Variants in CFAP73 observed in about 807,000 individuals in gnomAD.
CFAP73 encodes cilia and flagella associated protein 73.
Under a neutral mutation model 42.9 loss-of-function variants are expected in CFAP73, and 33 were observed. That is an observed-to-expected ratio of 0.77 (90% CI 0.58 to 1.03). The LOEUF (loss-of-function observed/expected upper bound fraction) is 1.03. Among genes scored for constraint, CFAP73 ranks in the 50% least tolerant of loss-of-function variants. CFAP73 has a pLI of 0.00. For missense variants in CFAP73, 392 were observed against 411.9 expected, an observed-to-expected ratio of 0.95 and a Z score of 0.42; for synonymous variants, 162 against 186.8, an observed-to-expected ratio of 0.87 and a Z score of 1.08.
intron 6 of CFAP73, among the ~76,000 whole-genome samples, chr12:113,155,685 A>AT (rs1310025361): frequency 6.6e-6 from 1 of 152,134 alleles, no homozygotes; most frequent in Non-Finnish European, 1.5e-5. Context: ...AGAAAAAAAA[A>AT]GTGGCTGGTC....
In CFAP73 at chr12:113,154,760, G is replaced by A; in HGVS notation, c.690+125G>A. The A allele has an allele frequency of 7.5e-7, 1 of 1,335,420 alleles. No homozygotes were observed. Among genetic ancestry groups the A allele is most frequent in the Non-Finnish European group, 9.5e-7 (1 of 1,049,462 alleles). The allele number at this position is 1,335,420 out of a possible 1,614,324, so 82.7% of individuals were successfully genotyped here. On this transcript the variant is annotated intron_variant, in intron 5 of 7. Coordinates refer to ENST00000335621, the MANE Select transcript of CFAP73 (RefSeq NM_001144872.3). This position sits in a 1 kb window ranked among gnomAD's most constrained non-coding sequence, Gnocchi z 4.7. ...ACCCCAGAGGGTCCGCTGCACTAAG[G>A]AGGGGAATCTCAGGCATCACCGAGC...
chr12:113,156,220 T>A (rs1400759858), intron 6 of CFAP73, among the ~76,000 whole-genome samples: 1 of 151,994 alleles, frequency 6.6e-6, no homozygotes, highest in Non-Finnish European at 1.5e-5. Context: ...ACACCCAGCG[T>A]GACATAGGTT....
In CFAP73 at chr12:113,155,446, A is replaced by G. The variant is rs572770677; in HGVS notation, c.849+28A>G. Reference sequence around the variant, plus strand: ...GAGGACCCCTCTTTATGGCACCTCCAGCCCCCAAACACTCCCTCTTTGGAA... The same window carrying G: ...GAGGACCCCTCTTTATGGCACCTCCGGCCCCCAAACACTCCCTCTTTGGAA... On this transcript the variant is annotated intron_variant, in intron 6 of 7. Coordinates refer to ENST00000335621, the MANE Select transcript of CFAP73 (RefSeq NM_001144872.3). The G allele has an allele frequency of 2.3e-4, 353 of 1,522,898 alleles. 3 individuals carry two copies. The South Asian group carries it at 4.1e-3, about 18-fold the overall frequency. 94.3% of individuals were successfully genotyped at this position (1,522,898 alleles called of 1,614,324 possible). A position where few individuals can be genotyped will look rare whatever the true frequency, so the allele number is the denominator to read the frequency against.
rs747267485 is a variant in CFAP73 at position 113,158,884 on chromosome 12, C to T, written c.*195C>T. 1 of 1,598,448 alleles carries T rather than the reference C, an allele frequency of 6.3e-7. No homozygotes were observed. Among genetic ancestry groups the T allele is most frequent in the South Asian group, 1.1e-5 (1 of 90,066 alleles). ...GGGGCTGGGTCCTGGTCCTCACATC[C>T]TCTTCCGCATCTTGCCCTTCTTGGA... On this transcript the variant is annotated 3_prime_UTR_variant, in exon 8 of 8. Transcript: ENST00000335621. The surrounding 1 kb of genome is among the most constrained non-coding windows in gnomAD (Gnocchi z 4.9).
At chr12:113,157,883 TGAG>T in intron 7 of CFAP73, 193 bp downstream of exon 7, 2 of 595,970 alleles carry the variant, frequency 3.4e-6, no homozygotes, top group Admixed American at 2.8e-5. Context: ...CAGGCCCTGA[TGAG>T]GAGGTGATGG....
chr12:113,152,835 A>C lies in CFAP73; in HGVS notation c.215A>C (p.Gln72Pro), dbSNP rs752779251. The C allele has an allele frequency of 6.4e-7, 1 of 1,551,670 alleles. No individual in the cohort carries two copies. Among genetic ancestry groups the C allele is most frequent in the South Asian group, 1.2e-5 (1 of 84,064 alleles). The change falls in exon 3 of 8, where the codon CAA becomes CCA. Residue 72 changes from glutamine (Q) to proline (P), a missense_variant. By Grantham distance (76) the Gln-to-Pro change is moderately conservative (BLOSUM62 -1). Coordinates refer to ENST00000335621, the MANE Select transcript of CFAP73 (RefSeq NM_001144872.3). Reference protein sequence around the residue: ...ALKQRWEQLEQKERELKGSFI... With the variant: ...ALKQRWEQLEPKERELKGSFI... Reference sequence around the variant, plus strand: ...AAACAGCGTTGGGAACAGCTGGAACAAAAGGAGCGGGAGCTAAAGGGATCG... The same window carrying C: ...AAACAGCGTTGGGAACAGCTGGAACCAAAGGAGCGGGAGCTAAAGGGATCG...
intron 6 of CFAP73, 75 bp downstream of exon 6, chr12:113,155,493 G>GT: frequency 7.1e-7 from 1 of 1,418,030 alleles, no homozygotes; most frequent in Non-Finnish European, 9.5e-7. Flanking sequence ...AAACCCCACA[G>GT]TTAGTGACAC....
Position 113,154,684 on chromosome 12 carries a change from G to A in CFAP73, c.690+49G>A, listed in dbSNP as rs1345341477. 16 of 1,377,772 alleles carry A rather than the reference G, an allele frequency of 1.2e-5. No individual in the cohort carries two copies. The highest frequency in any genetic ancestry group is 1.5e-5 in the Non-Finnish European group (16 of 1,074,772). The allele number at this position is 1,377,772 out of a possible 1,614,324, so 85.3% of individuals were successfully genotyped here. On this transcript the variant is annotated intron_variant, in intron 5 of 7. Transcript: ENST00000335621. The surrounding 1 kb of genome is among the most constrained non-coding windows in gnomAD (Gnocchi z 4.7). Reference sequence around the variant, plus strand: ...GCGCTCCGGACCCCAGGCTTCCACAGCCGGGCGGGGAGGAACGCCAGGGCT... The same window carrying A: ...GCGCTCCGGACCCCAGGCTTCCACAACCGGGCGGGGAGGAACGCCAGGGCT...
chr12:113,155,442 C>T, intron 6 of CFAP73, 24 bp downstream of exon 6: 1 of 1,522,816 alleles, frequency 6.6e-7, no homozygotes, highest in Non-Finnish European at 8.9e-7. Flanking sequence ...TTTATGGCAC[C>T]TCCAGCCCCC....
intron 1 of CFAP73, among the ~76,000 whole-genome samples, chr12:113,151,402 A>G (rs1387579734): frequency 2.0e-5 from 3 of 152,140 alleles, no homozygotes; most frequent in African/African-American, 7.2e-5. Flanking sequence ...GAACTGCTTG[A>G]ACCTGGAAGG....
At position 113,154,428 on chromosome 12, in the gene CFAP73, G is replaced by C; in HGVS notation, c.483G>C (p.Pro161=). ...CCCGACTCTAGTTCCAAGAGGTTCCGGAGCTGGTGGCGCGCTTCGACGGCC... is the reference window on the plus strand; with the variant it reads ...CCCGACTCTAGTTCCAAGAGGTTCCCGAGCTGGTGGCGCGCTTCGACGGCC... ...LELLPGFQEV[P]ELVARFDGLA... is the part of the protein sequence containing the mutation. Residue 161 remains proline (P), a synonymous_variant, in exon 5 of 8, where the codon CCG becomes CCC. Transcript: ENST00000335621. This position sits in a 1 kb window ranked among gnomAD's most constrained non-coding sequence, Gnocchi z 4.7. 6.5e-7 allele frequency: 1 copy of C among 1,547,826 alleles called. No individual in the cohort carries two copies. The highest frequency in any genetic ancestry group is 8.7e-7 in the Non-Finnish European group (1 of 1,145,884).
chr12:113,159,006 C>G lies in CFAP73; in HGVS notation c.*317C>G. On this transcript the variant is annotated 3_prime_UTR_variant, in exon 8 of 8. Transcript: ENST00000335621. Reference sequence around the variant, plus strand: ...TGAGGCCACCACGCTGCAGGAAGTGCAGCTTCTGGGCCCGGCGCCGCTGCT... The same window carrying G: ...TGAGGCCACCACGCTGCAGGAAGTGGAGCTTCTGGGCCCGGCGCCGCTGCT... 1 of 1,611,750 alleles carries G rather than the reference C, an allele frequency of 6.2e-7. No individual in the cohort carries two copies. The highest frequency in any genetic ancestry group is 8.5e-7 in the Non-Finnish European group (1 of 1,179,304).
intron 1 of CFAP73, 62 bp from the exon 2 acceptor site, chr12:113,151,856 G>T (rs942321133): frequency 8.4e-7 from 1 of 1,188,946 alleles, no homozygotes; most frequent in Admixed American, 2.1e-5. Flanking sequence ...AGACACAGTG[G>T]TGAGATGTGG....
Position 113,159,052 on chromosome 12 carries a change from T to C in CFAP73, c.*363T>C. On this transcript the variant is annotated 3_prime_UTR_variant, in exon 8 of 8. Transcript: ENST00000335621. Reference sequence around the variant, plus strand: ...CTGCTTCAGGATCTGCTGCTTGGTCTTGAGTTCCGGGCGGACTCGGCCTGC... The same window carrying C: ...CTGCTTCAGGATCTGCTGCTTGGTCCTGAGTTCCGGGCGGACTCGGCCTGC... 6.2e-7 allele frequency: 1 copy of C among 1,610,944 alleles called. No individual in the cohort carries two copies. The highest frequency in any genetic ancestry group is 8.5e-7 in the Non-Finnish European group (1 of 1,178,972).
chr12:113,151,466 G>A (rs187804232), intron 1 of CFAP73, among the ~76,000 whole-genome samples: 1 of 152,072 alleles, frequency 6.6e-6, no homozygotes, highest in Admixed American at 6.6e-5. Flanking sequence ...CTGAATGACA[G>A]AGCAAGACTC....
Position 113,154,709 on chromosome 12 carries a change from T to G in CFAP73, c.690+74T>G, listed in dbSNP as rs1233763523. Reference sequence around the variant, plus strand: ...GCCGGGCGGGGAGGAACGCCAGGGCTGATGAGGACCGATGGGGCAATGCTT... The same window carrying G: ...GCCGGGCGGGGAGGAACGCCAGGGCGGATGAGGACCGATGGGGCAATGCTT... On this transcript the variant is annotated intron_variant, in intron 5 of 7. Transcript: ENST00000335621. This position sits in a 1 kb window ranked among gnomAD's most constrained non-coding sequence, Gnocchi z 4.7. The G allele has an allele frequency of 7.3e-7, 1 of 1,372,988 alleles. No homozygotes were observed. Among genetic ancestry groups the G allele is most frequent in the East Asian group, 3.0e-5 (1 of 33,726 alleles). 85.1% of individuals were successfully genotyped at this position (1,372,988 alleles called of 1,614,324 possible).
Position 113,154,567 on chromosome 12 carries a change from G to T in CFAP73, c.622G>T (p.Ala208Ser). ...LRDAWPDEVLAQGQRRAQLQE... is the reference protein window; with the variant it reads ...LRDAWPDEVLSQGQRRAQLQE... ...GGACGCCTGGCCGGACGAGGTGCTC[G>T]CACAGGGCCAGCGGCGGGCACAGCT... The change falls in exon 5 of 8, where the codon GCA becomes TCA. Residue 208 changes from alanine (A) to serine (S), a missense_variant. Ala to Ser is a moderately conservative substitution (Grantham distance 99, BLOSUM62 1). Transcript: ENST00000335621. The surrounding 1 kb of genome is among the most constrained non-coding windows in gnomAD (Gnocchi z 4.7). 1 of 1,453,446 alleles carries T rather than the reference G, an allele frequency of 6.9e-7. No homozygotes were observed. The highest frequency in any genetic ancestry group is 1.5e-5 in the African/African-American group (1 of 66,978). The allele number at this position is 1,453,446 out of a possible 1,614,324, so 90.0% of individuals were successfully genotyped here.
chr12:113,156,045 C>T (rs1416240496), intron 6 of CFAP73, among the ~76,000 whole-genome samples: 1 of 151,654 alleles, frequency 6.6e-6, no homozygotes, highest in East Asian at 1.9e-4. Flanking sequence ...CTCAGCCTCT[C>T]GAGTAGTTGG....
chr12:113,157,770 C>T, intron 7 of CFAP73, 80 bp downstream of exon 7: 1 of 1,051,114 alleles, frequency 9.5e-7, no homozygotes, highest in Non-Finnish European at 1.4e-6. Flanking sequence ...GACTGAGTGG[C>T]TCTTCCTGAA....
Sources: gnomAD v4.1 joint callset for allele counts (sites outside exome capture counted in the v4.1 genomes callset) on GRCh38, gnomAD v4.1.1 for gene constraint, Gnocchi (gnomAD v3.1) non-coding constraint, MANE v1.5 for transcripts, NCBI Gene and HGNC (gene_info 2026-07-23, HGNC 2026-07-21) for gene names.